SCFD2: variants seen among roughly 807,000 people sequenced by gnomAD.
The protein encoded by SCFD2 is sec1 family domain containing 2, also known as sec1 family domain-containing protein 2.
A neutral mutation model predicts 58.9 loss-of-function variants in SCFD2; 54 were observed. The ratio of observed to expected loss-of-function variants is 0.92; its 90% CI spans 0.74 to 1.15. The LOEUF is 1.15. Ranked by LOEUF, SCFD2 falls within the 50% of genes most tolerant of loss-of-function variation. SCFD2 has a pLI of 0.00. For synonymous variants in SCFD2, 321 were observed against 335.9 expected (o/e 0.96, Z 0.49); for missense variants, 805 against 836.6 (o/e 0.96, Z 0.47).
intron 5 of SCFD2, among the ~76,000 whole-genome samples, chr4:53,108,839 A>G (rs1725083104): frequency 6.6e-6 from 1 of 152,246 alleles, no homozygotes; most frequent in Non-Finnish European, 1.5e-5. Context: ...ACAATGGAAA[A>G]GAGGGACTCC....
chr4:53,303,652 T>C (rs1157729541), intron 3 of SCFD2, among the ~76,000 whole-genome samples: 5 of 152,066 alleles, frequency 3.3e-5, no homozygotes, highest in Admixed American at 1.3e-4. Context: ...CACATGCACA[T>C]GTATGTTTAT....
chr4:53,142,063 G>A (rs1457981079), intron 5 of SCFD2, among the ~76,000 whole-genome samples: 2 of 152,164 alleles, frequency 1.3e-5, no homozygotes, highest in Non-Finnish European at 2.9e-5. Context: ...AAGTTGACAA[G>A]TAAAATTAAG....
At chr4:53,003,836 T>C (rs900891239) in intron 5 of SCFD2, among the ~76,000 whole-genome samples, 1 of 152,240 alleles carries the variant, frequency 6.6e-6, no homozygotes, top group African/African-American at 2.4e-5. Context: ...ACAACCTTCA[T>C]GATAGCACTG....
chr4:53,178,482 AC>A (rs1560371396), intron 4 of SCFD2, among the ~76,000 whole-genome samples: 1 of 152,146 alleles, frequency 6.6e-6, no homozygotes, highest in Non-Finnish European at 1.5e-5. Flanking sequence ...GGACATCCAC[AC>A]CAAAAACCCA....
At chr4:53,159,343 T>C (rs1325124154) in intron 4 of SCFD2, among the ~76,000 whole-genome samples, 1 of 152,188 alleles carries the variant, frequency 6.6e-6, no homozygotes, top group African/African-American at 2.4e-5. Context: ...TGAGCTGGAA[T>C]CCAACTCAAC....
At chr4:53,151,206 T>C (rs1726495268) in intron 4 of SCFD2, among the ~76,000 whole-genome samples, 1 of 152,194 alleles carries the variant, frequency 6.6e-6, no homozygotes, top group African/African-American at 2.4e-5. Flanking sequence ...TCAAAGGCAA[T>C]ATAAACATTA....
chr4:53,093,136 G>C (rs1724520445), intron 5 of SCFD2, among the ~76,000 whole-genome samples: 2 of 152,224 alleles, frequency 1.3e-5, no homozygotes, highest in South Asian at 4.1e-4. Context: ...AAGTGGTCTT[G>C]TAGGCAACTG....
chr4:53,057,599 C>A (rs1411962589), intron 5 of SCFD2, among the ~76,000 whole-genome samples: 1 of 152,038 alleles, frequency 6.6e-6, no homozygotes, highest in Non-Finnish European at 1.5e-5. Flanking sequence ...TCAATAGGTG[C>A]AGCAAACCAC....
intron 4 of SCFD2, among the ~76,000 whole-genome samples, chr4:53,233,547 A>G (rs1283785921): frequency 6.6e-6 from 1 of 152,224 alleles, no homozygotes; most frequent in African/African-American, 2.4e-5. Context: ...AACACATGAT[A>G]TCATTGCTTC....
At chr4:53,146,062 C>T (rs758407687) in intron 4 of SCFD2, among the ~76,000 whole-genome samples, 5 of 152,064 alleles carry the variant, frequency 3.3e-5, no homozygotes, top group Non-Finnish European at 5.9e-5. Flanking sequence ...AGCCAGAATA[C>T]TTTTTAAAAC....
intron 5 of SCFD2, among the ~76,000 whole-genome samples, chr4:53,014,833 C>T (rs1722172941): frequency 1.3e-5 from 2 of 152,186 alleles, no homozygotes; most frequent in Admixed American, 1.3e-4. Flanking sequence ...AAACAGTGTC[C>T]TACATAGCTT....
chr4:53,190,361 C>G (rs1040421136), intron 4 of SCFD2, among the ~76,000 whole-genome samples: 1 of 152,168 alleles, frequency 6.6e-6, no homozygotes, highest in Non-Finnish European at 1.5e-5. Flanking sequence ...CTGCTGTGCT[C>G]CAGCCACATG....
chr4:53,173,435 CT>C (rs1453842061), intron 4 of SCFD2, among the ~76,000 whole-genome samples: 1 of 152,004 alleles, frequency 6.6e-6, no homozygotes, highest in Non-Finnish European at 1.5e-5. Flanking sequence ...TGTGGAATAT[CT>C]TTTTCCATCC....
At chr4:52,961,340 A>G (rs1056502742) in intron 5 of SCFD2, among the ~76,000 whole-genome samples, 1 of 152,170 alleles carries the variant, frequency 6.6e-6, no homozygotes, top group Non-Finnish European at 1.5e-5. Flanking sequence ...TACTACCCAG[A>G]GAGGGATGAA....
intron 5 of SCFD2, among the ~76,000 whole-genome samples, chr4:53,071,607 G>A (rs1290023818): frequency 6.6e-6 from 1 of 151,872 alleles, no homozygotes; most frequent in African/African-American, 2.4e-5. Flanking sequence ...TGAGGCTCAA[G>A]GCATGTTATC....
chr4:53,353,065 G>C (rs1484387883), intron 1 of SCFD2, among the ~76,000 whole-genome samples: 1 of 152,162 alleles, frequency 6.6e-6, no homozygotes, highest in African/African-American at 2.4e-5. Flanking sequence ...CTGACTTCAA[G>C]AATGAAGCCG....
intron 1 of SCFD2, among the ~76,000 whole-genome samples, chr4:53,359,027 C>T (rs114841164): frequency 2.3e-3 from 354 of 152,106 alleles, no homozygotes; most frequent in African/African-American, 8.0e-3. Context: ...ACCACTGTTT[C>T]GCTATTACCT....
At chr4:53,140,382 C>A in intron 5 of SCFD2, among the ~76,000 whole-genome samples, 11 of 13,106 alleles carry the variant, frequency 8.4e-4, no homozygotes, top group South Asian at 8.5e-3. Flanking sequence ...AAAAGAACAC[C>A]AAAAATGCTA....
chr4:52,928,155 C>G (rs967065126), intron 5 of SCFD2, among the ~76,000 whole-genome samples: 1 of 151,778 alleles, frequency 6.6e-6, no homozygotes, highest in Admixed American at 6.6e-5. Flanking sequence ...GGCAACATAG[C>G]AAGACTCTGT....
Sources: allele counts gnomAD v4.1 joint callset (sites outside exome capture counted in the v4.1 genomes callset), GRCh38; gene constraint gnomAD v4.1.1; transcripts MANE v1.5; gene names NCBI Gene and HGNC (gene_info 2026-07-23, HGNC 2026-07-21).